The following ARHGAP26 variants were observed in gnomAD, a reference collection of about 807,000 sequenced individuals.
ARHGAP26 encodes rho GTPase-activating protein 26.
Under a neutral mutation model 104.8 loss-of-function variants are expected in ARHGAP26, and 38 were observed. That is an observed-to-expected ratio of 0.36 (90% CI 0.28 to 0.48). The LOEUF is 0.48. Among genes scored for constraint, ARHGAP26 ranks in the 20% least tolerant of loss-of-function variants. The pLI, the probability that ARHGAP26 is intolerant of heterozygous loss-of-function variation, is 0.99. For synonymous variants in ARHGAP26, 341 were observed against 340.0 expected (o/e 1.00, Z -0.03); for missense variants, 704 against 947.9 (o/e 0.74, Z 3.38).
intron 1 of ARHGAP26, among the ~76,000 whole-genome samples, chr5:142,799,470 T>C (rs1472378306): frequency 2.6e-5 from 4 of 152,216 alleles, no homozygotes; most frequent in Non-Finnish European, 2.9e-5. Flanking sequence ...GAGTGGATGC[T>C]TTGAGGCTGA....
intron 17 of ARHGAP26, among the ~76,000 whole-genome samples, chr5:143,117,335 A>G (rs546724113): frequency 6.6e-6 from 1 of 152,324 alleles, no homozygotes; most frequent in Admixed American, 6.5e-5. Flanking sequence ...TCATCGAGCT[A>G]TAATGGATGG....
At chr5:142,881,522 A>T (rs141874731) in intron 4 of ARHGAP26, among the ~76,000 whole-genome samples, 1 of 152,172 alleles carries the variant, frequency 6.6e-6, no homozygotes, top group Admixed American at 6.5e-5. Context: ...CTATTCTCCT[A>T]TTCATTAAAC....
chr5:143,192,712 G>A (rs1459380567), intron 20 of ARHGAP26: 1 of 152,030 alleles, frequency 6.6e-6, no homozygotes, highest in African/African-American at 2.4e-5. Flanking sequence ...TAGCTTAAGG[G>A]AAAAAAATGG....
At chr5:142,975,911 C>T (rs1047859046) in intron 11 of ARHGAP26, among the ~76,000 whole-genome samples, 6 of 152,180 alleles carry the variant, frequency 3.9e-5, no homozygotes, top group African/African-American at 1.4e-4. Flanking sequence ...ATAATGTGGC[C>T]TCTGAACACC....
rs377438019 is a variant in ARHGAP26, at chr5:142,980,963, CGTT to C, written c.1108-33114_1108-33112del. Among the ~76,000 whole-genome samples, 41 of 152,170 alleles carry C rather than the reference CGTT, an allele frequency of 2.7e-4. No homozygotes were observed. In the East Asian group the frequency reaches 7.5e-3, roughly 28 times the overall value. On this transcript the variant is annotated intron_variant, in intron 11 of 22. Coordinates refer to ENST00000645722, the MANE Select transcript of ARHGAP26 (RefSeq NM_001135608.3). ...GTATCGTAGTAGTAGTTGTCATTGT[CGTT>C]GTAGTGTCACACTTGGTGTTTATTT...
intron 14 of ARHGAP26, among the ~76,000 whole-genome samples, 158 bp downstream of exon 14, chr5:143,042,048 G>T (rs898729177): frequency 2.0e-5 from 3 of 152,184 alleles, no homozygotes; most frequent in Non-Finnish European, 2.9e-5. Context: ...AGTTGTCATG[G>T]CTTCAGACAC....
intron 20 of ARHGAP26, among the ~76,000 whole-genome samples, chr5:143,198,764 C>T (rs564858887): frequency 7.9e-5 from 12 of 152,310 alleles, no homozygotes; most frequent in African/African-American, 2.4e-4. Context: ...CTCACCCCAT[C>T]TAAGTTTAAA....
At chr5:143,111,304 CTCTG>C (rs530114384) in intron 17 of ARHGAP26, among the ~76,000 whole-genome samples, 153 of 152,314 alleles carry the variant, frequency 1.0e-3, no homozygotes, top group African/African-American at 3.5e-3. Context: ...GTATCTCTCC[CTCTG>C]TCTGTCAGTC....
At chr5:142,890,151 A>ATATATATAT (rs1554140735) in intron 5 of ARHGAP26, among the ~76,000 whole-genome samples, 4 of 32,426 alleles carry the variant, frequency 1.2e-4, no homozygotes, top group Non-Finnish European at 1.6e-4. Context: ...AAAAAAAAAA[A>ATATATATAT]ATATATATAT....
intron 19 of ARHGAP26, among the ~76,000 whole-genome samples, chr5:143,136,094 A>G (rs749221495): frequency 3.3e-4 from 50 of 152,238 alleles, no homozygotes; most frequent in Non-Finnish European, 5.1e-4. Context: ...GTATTGGTAA[A>G]TTCCCTAAGC....
rs150823418 is a variant in ARHGAP26, at chr5:142,898,223, C to T, written c.598-3712C>T. ...ACACACACATACATATACATATATA[C>T]GTATGTGCATATATATATGTATATG... On this transcript the variant is annotated intron_variant, in intron 6 of 22. Transcript: ENST00000645722. 7.3e-3 allele frequency among the ~76,000 whole-genome samples: 1,105 copies of T among 151,746 alleles called. 8 individuals are homozygous for T. Among genetic ancestry groups the T allele is most frequent in the Middle Eastern group, 0.034 (10 of 294 alleles).
chr5:143,080,912 GGTA>G (rs573920078), intron 17 of ARHGAP26, among the ~76,000 whole-genome samples: 33 of 151,748 alleles, frequency 2.2e-4, no homozygotes, highest in Non-Finnish European at 3.2e-4. Context: ...CCTGGACTAG[GGTA>G]GTAGTGGTGG....
rs1160358151 is a variant in ARHGAP26, at chr5:143,012,549, A to G, written c.1108-1531A>G. 1.0e-4 allele frequency among the ~76,000 whole-genome samples: 5 copies of G among 49,088 alleles called. 1 individual carries two copies. Among genetic ancestry groups the G allele is most frequent in the Non-Finnish European group, 2.5e-4 (5 of 20,002 alleles). 32.2% of individuals were successfully genotyped at this position (49,088 alleles called of 152,430 possible). The stretch of plus-strand genomic sequence containing the variant: ...TGGAGGGATATATTTATATACATAC[A>G]TACATATATATATATATATATATAT... On this transcript the variant is annotated intron_variant, in intron 11 of 22. Coordinates refer to ENST00000645722, the MANE Select transcript of ARHGAP26 (RefSeq NM_001135608.3).
intron 1 of ARHGAP26, among the ~76,000 whole-genome samples, chr5:142,790,882 A>G (rs1296835743): frequency 6.6e-6 from 1 of 151,788 alleles, no homozygotes; most frequent in Non-Finnish European, 1.5e-5. Context: ...TTCCCCTTCT[A>G]TCTCATTACC....
intron 12 of ARHGAP26, chr5:143,014,380 C>G: frequency 1.9e-6 from 1 of 537,786 alleles, no homozygotes; most frequent in Non-Finnish European, 3.3e-6. Context: ...TTCTCGTGTA[C>G]ATTATCTCCT....
chr5:142,873,358 A>C (rs556866282), intron 1 of ARHGAP26, 42 bp from the exon 2 acceptor site: 1 of 1,502,026 alleles, frequency 6.7e-7, no homozygotes, highest in Middle Eastern at 1.7e-4. Context: ...AAGCCAGTTT[A>C]ATTTTAGTAA....
intron 17 of ARHGAP26, among the ~76,000 whole-genome samples, chr5:143,120,281 A>G (rs762790867): frequency 6.6e-6 from 1 of 152,224 alleles, no homozygotes; most frequent in Admixed American, 6.5e-5. Context: ...AAATATGCCT[A>G]CGTCTTTAGC....
At chr5:143,037,128 G>A in intron 12 of ARHGAP26, 68 bp from the exon 13 acceptor site, 3 of 1,305,104 alleles carry the variant, frequency 2.3e-6, no homozygotes, top group Non-Finnish European at 3.3e-6. Context: ...ATCCTGGTTT[G>A]GTTAAGCCCT....
intron 10 of ARHGAP26, among the ~76,000 whole-genome samples, chr5:142,915,204 G>A (rs1335342074): frequency 6.6e-6 from 1 of 152,034 alleles, no homozygotes; most frequent in Non-Finnish European, 1.5e-5. Flanking sequence ...AGCTGTGCAT[G>A]TCCCAATCAT....
Sources: allele counts gnomAD v4.1 joint callset (sites outside exome capture counted in the v4.1 genomes callset), GRCh38; gene constraint gnomAD v4.1.1; transcripts MANE v1.5; gene names NCBI Gene and HGNC (gene_info 2026-07-23, HGNC 2026-07-21).